The following DEF6 variants were observed in gnomAD, a reference collection of about 807,000 sequenced individuals.
DEF6 encodes the protein differentially expressed in FDCP 6 homolog.
A neutral mutation model predicts 80.5 loss-of-function variants in DEF6; 32 were observed. The observed-to-expected ratio is 0.40, with a 90% CI of 0.30 to 0.53. The LOEUF is 0.53. DEF6 is among the 20% of genes least tolerant of loss of function. The probability of loss-of-function intolerance (pLI) is 0.57; values close to 1 mark genes in which losing one functional copy is unlikely to be tolerated. For missense variants in DEF6, 575 were observed against 818.7 expected, an observed-to-expected ratio of 0.70 and a Z score of 3.63; for synonymous variants, 300 against 337.9, an observed-to-expected ratio of 0.89 and a Z score of 1.23.
In DEF6 at chr6:35,309,843, C is replaced by T. The variant is rs768810179; in HGVS notation, c.237+33C>T. 3.1e-6 allele frequency: 5 copies of T among 1,610,022 alleles called. No individual in the cohort carries two copies. In the East Asian group the frequency reaches 6.7e-5, roughly 22 times the overall value. ...CCAGCTTGTAGGGAGCATCTGTAAC[C>T]TCTCCCCACTTTTCCAGCCTGGCCA... On this transcript the variant is annotated intron_variant, in intron 2 of 10. Transcript: ENST00000316637.
Position 35,312,809 on chromosome 6 carries a change from C to T in DEF6, c.807+37C>T. On this transcript the variant is annotated intron_variant, in intron 5 of 10. Coordinates refer to ENST00000316637, the MANE Select transcript of DEF6 (RefSeq NM_022047.4). The surrounding 1 kb of genome is among the most constrained non-coding windows in gnomAD (Gnocchi z 6.6). ...GATGGGGGTGGAGGACATCTCAGGG[C>T]CCAGAGTGTCCTCAGGGGCATGAGA... 2 of 1,593,540 alleles carry T rather than the reference C, an allele frequency of 1.3e-6. No homozygotes were observed. Among genetic ancestry groups the T allele is most frequent in the South Asian group, 2.3e-5 (2 of 88,236 alleles).
intron 5 of DEF6, among the ~76,000 whole-genome samples, chr6:35,313,711 T>C (rs1791494407): frequency 6.6e-6 from 1 of 152,242 alleles, no homozygotes; most frequent in Admixed American, 6.5e-5. Flanking sequence ...GATAGTTGTT[T>C]TTCTGTGTTT....
chr6:35,307,172 G>A (rs1791403334), intron 1 of DEF6, among the ~76,000 whole-genome samples: 1 of 152,262 alleles, frequency 6.6e-6, no homozygotes, highest in Non-Finnish European at 1.5e-5. Flanking sequence ...GCCGAGGCGG[G>A]CAGATCTCCT....
At chr6:35,308,319 C>T (rs1427824105) in intron 1 of DEF6, among the ~76,000 whole-genome samples, 1 of 151,684 alleles carries the variant, frequency 6.6e-6, no homozygotes, top group East Asian at 1.9e-4. Context: ...TCACTTGAGG[C>T]CAGCAGTTCA....
Position 35,319,411 on chromosome 6 carries a change from G to A in DEF6, c.1216-113G>A. 1 of 737,656 alleles carries A rather than the reference G, an allele frequency of 1.4e-6. No individual in the cohort carries two copies. Among genetic ancestry groups the A allele is most frequent in the African/African-American group, 1.8e-5 (1 of 56,408 alleles). 45.7% of individuals were successfully genotyped at this position (737,656 alleles called of 1,614,324 possible). A position where few individuals can be genotyped will look rare whatever the true frequency, so the allele number is the denominator to read the frequency against. Reference sequence around the variant, plus strand: ...GATCAGGAAACCCCAACATGAAGGAGTTCCCCAGACCCTCACCCCTAGGCA... The same window carrying A: ...GATCAGGAAACCCCAACATGAAGGAATTCCCCAGACCCTCACCCCTAGGCA... On this transcript the variant is annotated intron_variant, in intron 7 of 10. Coordinates refer to ENST00000316637, the MANE Select transcript of DEF6 (RefSeq NM_022047.4). This position sits in a 1 kb window ranked among gnomAD's most constrained non-coding sequence, Gnocchi z 4.5.
rs1791478846 is a variant in DEF6, at chr6:35,312,378, C to T, written c.500C>T (p.Ala167Val). The change falls in exon 4 of 11, where the codon GCC (alanine) becomes GTC (valine). Residue 167 changes from alanine to valine, a missense_variant. By Grantham distance (64) the Ala-to-Val change is moderately conservative. Transcript: ENST00000316637. This position sits in a 1 kb window ranked among gnomAD's most constrained non-coding sequence, Gnocchi z 6.6. ...VSLGELEELLAQEAQVAQTTG... is the reference protein window; with the variant it reads ...VSLGELEELLVQEAQVAQTTG... ...TTGGGTGAGCTGGAGGAGCTTCTGG[C>T]CCAGGAGGCCCAGGTGGCCCAGACC... The T allele has an allele frequency of 2.5e-6, 4 of 1,614,102 alleles. No homozygotes were observed. The Admixed American group carries it at 6.7e-5, about 27-fold the overall frequency.
chr6:35,317,747 G>T, intron 5 of DEF6, 144 bp from the exon 6 acceptor site: 145 of 582,472 alleles, frequency 2.5e-4, no homozygotes, highest in Middle Eastern at 1.3e-3. Context: ...AACTTATGAT[G>T]CAAGCCATGC....
At position 35,318,955 on chromosome 6, in the gene DEF6, T is replaced by C. The variant is rs183001693; in HGVS notation, c.1215+484T>C. The stretch of plus-strand genomic sequence containing the variant: ...ACCTGGATCTGGAGTCAGAAACACG[T>C]AGATTCAATCCTAGCTCTGCTTCTT... On this transcript the variant is annotated intron_variant, in intron 7 of 10. Transcript: ENST00000316637. This position sits in a 1 kb window ranked among gnomAD's most constrained non-coding sequence, Gnocchi z 5.1. 1.1e-3 allele frequency among the ~76,000 whole-genome samples: 167 copies of C among 152,240 alleles called. 2 individuals carry two copies. Among genetic ancestry groups the C allele is most frequent in the African/African-American group, 3.7e-3 (153 of 41,540 alleles).
At chr6:35,305,570 G>GTGTGTGTA (rs891609082) in intron 1 of DEF6, among the ~76,000 whole-genome samples, 3 of 151,700 alleles carry the variant, frequency 2.0e-5, no homozygotes, top group Non-Finnish European at 4.4e-5. Flanking sequence ...GTGGGGGTGT[G>GTGTGTGTA]TGTGTGTATG....
intron 1 of DEF6, among the ~76,000 whole-genome samples, chr6:35,307,995 T>C (rs1791413664): frequency 6.6e-6 from 1 of 152,160 alleles, no homozygotes; most frequent in African/African-American, 2.4e-5. Flanking sequence ...AAAGAGGACA[T>C]AGATGCTGAG....
rs371476728 is a variant in DEF6, at chr6:35,318,060, G to T, written c.916+61G>T. 5.7e-6 allele frequency: 9 copies of T among 1,568,612 alleles called. No individual in the cohort carries two copies. Among genetic ancestry groups the T allele is most frequent in the South Asian group, 1.1e-5 (1 of 87,206 alleles). On this transcript the variant is annotated intron_variant, in intron 6 of 10. Transcript: ENST00000316637. The surrounding 1 kb of genome is among the most constrained non-coding windows in gnomAD (Gnocchi z 5.1). ...CCTTAGGCGCCTCATCTGTGAAAAG[G>T]GGGTGATAATACTTTGTCCAGCGGG...
At position 35,310,656 on chromosome 6, in the gene DEF6, G is replaced by A. The variant is rs755290738; in HGVS notation, c.423+12G>A. The A allele has an allele frequency of 1.2e-6, 2 of 1,613,946 alleles. No homozygotes were observed. Among genetic ancestry groups the A allele is most frequent in the African/African-American group, 1.3e-5 (1 of 74,894 alleles). On this transcript the variant is annotated intron_variant, in intron 3 of 10. Transcript: ENST00000316637. ...TGGTTCCTGATGAGGTGAGGGTGATGGCAGCCCCAGGGACTGAATCACTTG... is the reference window on the plus strand; with the variant it reads ...TGGTTCCTGATGAGGTGAGGGTGATAGCAGCCCCAGGGACTGAATCACTTG...
At chr6:35,310,788 C>A in intron 3 of DEF6, 144 bp downstream of exon 3, 1 of 874,602 alleles carries the variant, frequency 1.1e-6, no homozygotes, top group Non-Finnish European at 1.7e-6. Context: ...TGTCCTCACC[C>A]AGCTGTCTCC....
chr6:35,320,108 G>A (rs895836510), intron 9 of DEF6, 91 bp downstream of exon 9: 4 of 1,308,924 alleles, frequency 3.1e-6, no homozygotes, highest in Non-Finnish European at 3.2e-6. Context: ...CTCAAACCCT[G>A]GCCCTAGCAG....
At chr6:35,301,831 A>T (rs1434025144) in intron 1 of DEF6, among the ~76,000 whole-genome samples, 1 of 150,282 alleles carries the variant, frequency 6.7e-6, no homozygotes, top group Non-Finnish European at 1.5e-5. Context: ...GGTTCAAGTG[A>T]TTCTCCTGCC....
At position 35,312,220 on chromosome 6, in the gene DEF6, G is replaced by A; in HGVS notation, c.424-82G>A. ...CCTGTTTCCCTCTGCCCAGGCTCTG[G>A]GAGCCAGATAGAGCACTCCCTGGTG... is the stretch of plus-strand genomic sequence containing the variant. On this transcript the variant is annotated intron_variant, in intron 3 of 10. Coordinates refer to ENST00000316637, the MANE Select transcript of DEF6 (RefSeq NM_022047.4). This position sits in a 1 kb window ranked among gnomAD's most constrained non-coding sequence, Gnocchi z 6.6. 8.2e-7 allele frequency: 1 copy of A among 1,220,916 alleles called. No individual in the cohort carries two copies. Among genetic ancestry groups the A allele is most frequent in the African/African-American group, 1.5e-5 (1 of 67,126 alleles). The allele number at this position is 1,220,916 out of a possible 1,614,324, so 75.6% of individuals were successfully genotyped here. A position where few individuals can be genotyped will look rare whatever the true frequency, so the allele number is the denominator to read the frequency against.
chr6:35,316,885 C>G lies in DEF6; in HGVS notation c.808-1006C>G, dbSNP rs141600667. On this transcript the variant is annotated intron_variant, in intron 5 of 10. Transcript: ENST00000316637. The stretch of plus-strand genomic sequence containing the variant: ...GCAATAACTCCTCATACTCCCTGAC[C>G]CCAGCTCCTAGTATCCTCTATTCTG... Among the ~76,000 whole-genome samples the G allele has an allele frequency of 3.0e-3, 460 of 152,276 alleles. 4 individuals carry two copies. The highest frequency in any genetic ancestry group is 0.01 in the African/African-American group (436 of 41,544).
At chr6:35,307,002 A>T (rs950640127) in intron 1 of DEF6, among the ~76,000 whole-genome samples, 9 of 152,242 alleles carry the variant, frequency 5.9e-5, no homozygotes, top group African/African-American at 2.2e-4. Flanking sequence ...CCTGTTTCCT[A>T]CTGGAAGAGC....
rs766405134 is a variant in DEF6, at chr6:35,297,832, C to T, written c.-25C>T. The T allele has an allele frequency of 7.0e-6, 11 of 1,570,674 alleles. No individual in the cohort carries two copies. The highest frequency in any genetic ancestry group is 1.3e-5 in the African/African-American group (1 of 74,412). ...AACCGGATCTTAGTGTCAGAGCCGCCCCCAGCCGGGCGGGCGCCTCAGCCA... is the reference window on the plus strand; with the variant it reads ...AACCGGATCTTAGTGTCAGAGCCGCTCCCAGCCGGGCGGGCGCCTCAGCCA... On this transcript the variant is annotated 5_prime_UTR_variant, in exon 1 of 11. Coordinates refer to ENST00000316637, the MANE Select transcript of DEF6 (RefSeq NM_022047.4).
Sources: allele counts gnomAD v4.1 joint callset (sites outside exome capture counted in the v4.1 genomes callset), GRCh38; gene constraint gnomAD v4.1.1; non-coding constraint Gnocchi (gnomAD v3.1); transcripts MANE v1.5; gene names NCBI Gene and HGNC (gene_info 2026-07-23, HGNC 2026-07-21).